PKHD1L1: variants seen among roughly 807,000 people sequenced by gnomAD.
PKHD1L1 encodes PKHD1 like 1.
PKHD1L1 carries 434 observed loss-of-function variants against 462.9 expected under a neutral mutation model. That is an observed-to-expected ratio of 0.94 (90% CI 0.87 to 1.02). The LOEUF (loss-of-function observed/expected upper bound fraction) is 1.02. Among genes scored for constraint, PKHD1L1 ranks in the 50% least tolerant of loss-of-function variants. The probability of loss-of-function intolerance (pLI) is 0.00; values close to 1 mark genes in which losing one functional copy is unlikely to be tolerated. For synonymous variants in PKHD1L1, 1,781 were observed against 1,750.0 expected (o/e 1.02, Z -0.44); for missense variants, 5,202 against 5,096.1 (o/e 1.02, Z -0.63).
At chr8:109,408,622 G>C (rs1813685244) in intron 18 of PKHD1L1, among the ~76,000 whole-genome samples, 1 of 152,116 alleles carries the variant, frequency 6.6e-6, no homozygotes, top group South Asian at 2.1e-4. Context: ...TTTTATTGAT[G>C]TATTTTTATA....
Position 109,518,310 on chromosome 8 carries a change from T to A in PKHD1L1, c.11833T>A (p.Ser3945Thr). ...ATVIFVSFQL[S>T]VATEDDFYTS... ...AGTGATATTTGTTTCTTTCCAATTA[T>A]CTGTTGCAACAGAAGATGACTTTTA... The change falls in exon 73 of 78, where the codon TCT becomes ACT. Residue 3945 changes from serine to threonine, a missense_variant. Coordinates refer to ENST00000378402, the MANE Select transcript of PKHD1L1 (RefSeq NM_177531.6). 6.2e-7 allele frequency: 1 copy of A among 1,613,332 alleles called. No homozygotes were observed. The highest frequency in any genetic ancestry group is 8.5e-7 in the Non-Finnish European group (1 of 1,179,406).
intron 21 of PKHD1L1, among the ~76,000 whole-genome samples, chr8:109,418,219 G>A (rs986935367): frequency 1.3e-5 from 2 of 152,046 alleles, no homozygotes; most frequent in East Asian, 1.9e-4. Flanking sequence ...ACAGTTCTAC[G>A]CTGAGGCCCT....
intron 22 of PKHD1L1, among the ~76,000 whole-genome samples, chr8:109,419,923 A>G (rs1417279578): frequency 7.1e-6 from 1 of 141,590 alleles, no homozygotes; most frequent in Non-Finnish European, 1.6e-5. Flanking sequence ...TTTTTTTTTT[A>G]ATGTAAATGC....
chr8:109,411,134 T>C (rs1489729410), intron 19 of PKHD1L1, among the ~76,000 whole-genome samples: 4 of 152,166 alleles, frequency 2.6e-5, no homozygotes, highest in Non-Finnish European at 5.9e-5. Flanking sequence ...TATTATGTAG[T>C]TTTATATAAT....
chr8:109,381,576 T>C, intron 3 of PKHD1L1, 62 bp downstream of exon 3: 4 of 1,219,014 alleles, frequency 3.3e-6, no homozygotes, highest in Non-Finnish European at 4.5e-6. Flanking sequence ...CAGTTATGAA[T>C]ATTAGTATTA....
intron 53 of PKHD1L1, among the ~76,000 whole-genome samples, chr8:109,478,550 G>A (rs1301245874): frequency 6.6e-6 from 1 of 152,078 alleles, no homozygotes; most frequent in East Asian, 1.9e-4. Context: ...GCAACCCAAA[G>A]GATAAGGAAG....
chr8:109,498,482 T>C lies in PKHD1L1; in HGVS notation c.10620T>C (p.Ser3540=). Residue 3540 remains serine, a synonymous_variant, in exon 66 of 78, where the codon AGT becomes AGC. Coordinates refer to ENST00000378402, the MANE Select transcript of PKHD1L1 (RefSeq NM_177531.6). The stretch of plus-strand genomic sequence containing the variant: ...AACAGAGCTCATTAATTGTTGGAAG[T>C]AGCCCTGGGTTTAATTGCTCTGATG... ...VQIKSSLIVG[S]SPGFNCSDVL... 1.2e-6 allele frequency: 2 copies of C among 1,611,494 alleles called. No individual in the cohort carries two copies. The highest frequency in any genetic ancestry group is 1.7e-6 in the Non-Finnish European group (2 of 1,177,714).
At chr8:109,379,217 C>T (rs1811989619) in intron 2 of PKHD1L1, among the ~76,000 whole-genome samples, 1 of 152,196 alleles carries the variant, frequency 6.6e-6, no homozygotes, top group South Asian at 2.1e-4. Context: ...GATTACAGCA[C>T]TTTCCTTCTC....
chr8:109,485,266 C>G (rs1252708673), intron 58 of PKHD1L1, 93 bp downstream of exon 58: 4 of 1,162,676 alleles, frequency 3.4e-6, no homozygotes, highest in Non-Finnish European at 4.7e-6. Context: ...AAACATGTCA[C>G]AAATATGTTA....
At chr8:109,445,831 G>C (rs1260160216) in intron 38 of PKHD1L1, among the ~76,000 whole-genome samples, 186 bp downstream of exon 38, 2 of 152,120 alleles carry the variant, frequency 1.3e-5, no homozygotes, top group Non-Finnish European at 2.9e-5. Flanking sequence ...ACATTTATGG[G>C]ATAACAATTT....
intron 72 of PKHD1L1, among the ~76,000 whole-genome samples, chr8:109,517,947 T>C (rs537759013): frequency 1.3e-5 from 2 of 152,230 alleles, no homozygotes; most frequent in South Asian, 4.1e-4. Context: ...AAACAAACAA[T>C]GTGTAATGAT....
Position 109,427,091 on chromosome 8 carries a change from A to G in PKHD1L1, c.2935A>G (p.Thr979Ala), listed in dbSNP as rs1225804147. ...MGRISVTREG[T>A]CAGYAWNIKW... The stretch of plus-strand genomic sequence containing the variant: ...AAGAATCTCAGTTACACGAGAGGGA[A>G]CCTGTGCTGGCTACGCGTGGAACAT... Residue 979 changes from threonine (T) to alanine (A), a missense_variant, in exon 25 of 78, where the codon ACC (threonine) becomes GCC (alanine). Transcript: ENST00000378402. 6.2e-7 allele frequency: 1 copy of G among 1,613,958 alleles called. No homozygotes were observed. Among genetic ancestry groups the G allele is most frequent in the African/African-American group, 1.3e-5 (1 of 75,052 alleles).
At chr8:109,453,376 G>C (rs548374473) in intron 43 of PKHD1L1, among the ~76,000 whole-genome samples, 1 of 152,256 alleles carries the variant, frequency 6.6e-6, no homozygotes, top group East Asian at 1.9e-4. Context: ...ACCTGTTTAT[G>C]TTGTTGCCTG....
Position 109,448,006 on chromosome 8 carries a change from G to A in PKHD1L1, c.5777-137G>A, listed in dbSNP as rs1416782453. On this transcript the variant is annotated intron_variant, in intron 38 of 77. Transcript: ENST00000378402. ...TAGTCAAAATGTATTGTATGACATA[G>A]CATGTATTGTTAATATTTATATTAG... 2.6e-5 allele frequency: 19 copies of A among 722,702 alleles called. No individual in the cohort carries two copies. In the East Asian group the frequency reaches 4.6e-4, roughly 17 times the overall value. The allele number at this position is 722,702 out of a possible 1,614,324, so 44.8% of individuals were successfully genotyped here.
chr8:109,497,140 T>C lies in PKHD1L1; in HGVS notation c.10477-10T>C, dbSNP rs1323240680. On this transcript the variant is annotated splice_polypyrimidine_tract_variant and intron_variant, in intron 64 of 77. Transcript: ENST00000378402. ...CCTTAGTATTATGTAACCTGCAAAT[T>C]CTATTGCAGACCACAGAGAGTGTGC... 5.0e-6 allele frequency: 8 copies of C among 1,613,276 alleles called. No homozygotes were observed. Among genetic ancestry groups the C allele is most frequent in the Non-Finnish European group, 6.8e-6 (8 of 1,179,526 alleles).
At chr8:109,439,130 C>A in intron 32 of PKHD1L1, 38 bp downstream of exon 32, 1 of 1,559,838 alleles carries the variant, frequency 6.4e-7, no homozygotes, top group Non-Finnish European at 8.8e-7. Context: ...AGTTGTAGAA[C>A]ACATGGGGCT....
rs751818771 is a variant in PKHD1L1 at position 109,433,186 on chromosome 8, C to T, written c.3310C>T (p.Pro1104Ser). 2 of 1,613,210 alleles carry T rather than the reference C, an allele frequency of 1.2e-6. No homozygotes were observed. Among genetic ancestry groups the T allele is most frequent in the Non-Finnish European group, 1.7e-6 (2 of 1,179,398 alleles). Residue 1104 changes from proline to serine, a missense_variant, in exon 28 of 78, where the codon CCA becomes TCA. By Grantham distance (74) the Pro-to-Ser change is moderately conservative. Transcript: ENST00000378402. Reference sequence around the variant, plus strand: ...TTCAGCTGTAACAGTCTCAGTTGGACCAGTAGGTTGTTCTCTTCTTTCTGT... The same window carrying T: ...TTCAGCTGTAACAGTCTCAGTTGGATCAGTAGGTTGTTCTCTTCTTTCTGT... ...PSSAVTVSVG[P>S]VGCSLLSVDE...
chr8:109,477,406 C>T lies in PKHD1L1; in HGVS notation c.9089+10C>T, dbSNP rs770175321. 2.0e-5 allele frequency: 32 copies of T among 1,601,892 alleles called. No homozygotes were observed. The highest frequency in any genetic ancestry group is 6.8e-5 in the Admixed American group (4 of 59,222). ...GACCAGCCACATATAAGTACATAGGCCTTTTGTAGTTGATACCCTTCAATA... is the reference window on the plus strand; with the variant it reads ...GACCAGCCACATATAAGTACATAGGTCTTTTGTAGTTGATACCCTTCAATA... On this transcript the variant is annotated intron_variant, in intron 53 of 77. Coordinates refer to ENST00000378402, the MANE Select transcript of PKHD1L1 (RefSeq NM_177531.6).
At position 109,445,604 on chromosome 8, in the gene PKHD1L1, TG is replaced by T; in HGVS notation, c.5737del (p.Glu1913ArgfsTer36). 6.2e-7 allele frequency: 1 copy of T among 1,609,992 alleles called. No homozygotes were observed. Among genetic ancestry groups the T allele is most frequent in the Non-Finnish European group, 8.5e-7 (1 of 1,177,444 alleles). On this transcript the variant is annotated frameshift_variant, in exon 38 of 78. Coordinates refer to ENST00000378402, the MANE Select transcript of PKHD1L1 (RefSeq NM_177531.6). LOFTEE classifies it high-confidence loss of function. ...AYPPLLFTYA[L>X]EDTPFLRGII... Reference sequence around the variant, plus strand: ...CCACCTTTGCTTTTTACATATGCCCTGGAGGATACTCCATTTCTCAGAGGAA... The same window carrying T: ...CCACCTTTGCTTTTTACATATGCCCTGAGGATACTCCATTTCTCAGAGGAA...
Sources: gnomAD v4.1 joint callset for allele counts (sites outside exome capture counted in the v4.1 genomes callset) on GRCh38, gnomAD v4.1.1 for gene constraint, MANE v1.5 for transcripts, NCBI Gene and HGNC (gene_info 2026-07-23, HGNC 2026-07-21) for gene names.